Variants in HCN1 observed in about 807,000 individuals in gnomAD.
HCN1 encodes the protein potassium/sodium hyperpolarization-activated cyclic nucleotide-gated channel 1.
Under a neutral mutation model 78.9 loss-of-function variants are expected in HCN1, and 13 were observed. The ratio of observed to expected loss-of-function variants is 0.16; its 90% CI spans 0.11 to 0.26. The LOEUF (loss-of-function observed/expected upper bound fraction) is 0.26. Ranked by LOEUF, HCN1 falls within the 10% of genes least tolerant of loss-of-function variation. The pLI is 1.00. For synonymous variants in HCN1, 552 were observed against 455.5 expected (o/e 1.21, Z -2.70); for missense variants, 810 against 1,154.3 (o/e 0.70, Z 4.32).
intron 4 of HCN1, among the ~76,000 whole-genome samples, chr5:45,392,097 GTA>G (rs1739576687): frequency 6.6e-6 from 1 of 152,048 alleles, no homozygotes; most frequent in African/African-American, 2.4e-5. Context: ...AACCAAGAAA[GTA>G]TATATCTTAA....
rs181801832 is a variant in HCN1 at position 45,656,211 on chromosome 5, A to G, written c.426-10603T>C. Among the ~76,000 whole-genome samples the G allele has an allele frequency of 8.2e-3, 1,246 of 152,288 alleles. 11 individuals carry two copies. The highest frequency in any genetic ancestry group is 0.013 in the Non-Finnish European group (892 of 68,008). Reference sequence around the variant, plus strand: ...GTTCTGGTATTAAAGAAATTTAAAGACAGCATTTGCTAAGGAGTTCCGGGG... The same window carrying G: ...GTTCTGGTATTAAAGAAATTTAAAGGCAGCATTTGCTAAGGAGTTCCGGGG... On this transcript the variant is annotated intron_variant, in intron 1 of 7. Transcript: ENST00000303230.
intron 5 of HCN1, among the ~76,000 whole-genome samples, chr5:45,349,524 A>G (rs2111977616): frequency 6.6e-6 from 1 of 152,348 alleles, no homozygotes; most frequent in South Asian, 2.1e-4. Context: ...AACTAAAATC[A>G]GAGCAGAACT....
chr5:45,691,755 C>A (rs1483087979), intron 1 of HCN1, among the ~76,000 whole-genome samples: 2 of 152,108 alleles, frequency 1.3e-5, no homozygotes, highest in African/African-American at 4.8e-5. Flanking sequence ...AGCAAATGTT[C>A]TCTCTATTAT....
At chr5:45,629,834 T>C (rs1053880645) in intron 2 of HCN1, among the ~76,000 whole-genome samples, 102 of 152,336 alleles carry the variant, frequency 6.7e-4, no homozygotes, top group African/African-American at 2.3e-3. Flanking sequence ...AATTAAATTA[T>C]GCTAATATTC....
At chr5:45,309,041 T>C (rs971681707) in intron 5 of HCN1, among the ~76,000 whole-genome samples, 1 of 152,310 alleles carries the variant, frequency 6.6e-6, no homozygotes, top group South Asian at 2.1e-4. Flanking sequence ...TCTGATTTCT[T>C]TGAGTAGTGG....
chr5:45,644,385 G>C (rs897573484), intron 2 of HCN1: 1 of 152,138 alleles, frequency 6.6e-6, no homozygotes, highest in African/African-American at 2.4e-5. Flanking sequence ...AGACTTTGAA[G>C]ATAGGGATAT....
chr5:45,386,863 T>TA (rs1476616258), intron 4 of HCN1, among the ~76,000 whole-genome samples: 1 of 152,092 alleles, frequency 6.6e-6, no homozygotes, highest in Admixed American at 6.6e-5. Context: ...CATGCCAATC[T>TA]AAATATTTTA....
At chr5:45,320,927 G>A (rs190388287) in intron 5 of HCN1, among the ~76,000 whole-genome samples, 4 of 151,904 alleles carry the variant, frequency 2.6e-5, no homozygotes, top group Non-Finnish European at 5.9e-5. Flanking sequence ...CAATTAGGCT[G>A]ACTGGCTTCT....
chr5:45,474,446 CACTT>C (rs1305406292), intron 2 of HCN1, among the ~76,000 whole-genome samples: 9 of 151,868 alleles, frequency 5.9e-5, no homozygotes, highest in South Asian at 4.1e-4. Flanking sequence ...TATCATCTCT[CACTT>C]GAGTTTTTTC....
chr5:45,360,430 C>T (rs566616638), intron 4 of HCN1, among the ~76,000 whole-genome samples: 2 of 151,926 alleles, frequency 1.3e-5, no homozygotes, highest in South Asian at 4.2e-4. Flanking sequence ...TCTAGTATTG[C>T]CAGCTATTTA....
chr5:45,348,600 G>A (rs879629998), intron 5 of HCN1, among the ~76,000 whole-genome samples: 1 of 152,188 alleles, frequency 6.6e-6, no homozygotes, highest in Non-Finnish European at 1.5e-5. Context: ...AGACCCATCA[G>A]TGTGCTGTAT....
intron 2 of HCN1, among the ~76,000 whole-genome samples, chr5:45,582,001 C>A (rs561301144): frequency 6.6e-6 from 1 of 152,090 alleles, no homozygotes; most frequent in Non-Finnish European, 1.5e-5. Context: ...CTTGGCAATG[C>A]GGGCTCTTTT....
intron 4 of HCN1, among the ~76,000 whole-genome samples, chr5:45,371,869 ATAT>A (rs1429530158): frequency 1.7e-4 from 20 of 118,672 alleles, no homozygotes; most frequent in African/African-American, 4.0e-4. Flanking sequence ...TACATTAGTA[ATAT>A]TATATATGAA....
At chr5:45,582,374 T>A (rs958771991) in intron 2 of HCN1, among the ~76,000 whole-genome samples, 7 of 152,180 alleles carry the variant, frequency 4.6e-5, no homozygotes, top group Non-Finnish European at 1.5e-5. Context: ...TGATTTTGTA[T>A]CCTGAGACTT....
chr5:45,613,468 G>T (rs1391834328), intron 2 of HCN1, among the ~76,000 whole-genome samples: 2 of 151,930 alleles, frequency 1.3e-5, no homozygotes, highest in African/African-American at 4.8e-5. Flanking sequence ...GAAACAACAG[G>T]TGCTGGAGAG....
intron 2 of HCN1, among the ~76,000 whole-genome samples, chr5:45,528,655 C>A (rs987784778): frequency 4.0e-5 from 6 of 151,882 alleles, no homozygotes; most frequent in Non-Finnish European, 7.4e-5. Context: ...AAGCAAAAAT[C>A]TCCAAAAAGA....
At chr5:45,487,913 G>A (rs1741801598) in intron 2 of HCN1, among the ~76,000 whole-genome samples, 1 of 152,034 alleles carries the variant, frequency 6.6e-6, no homozygotes, top group South Asian at 2.1e-4. Context: ...ATATTGATTT[G>A]ATATCTCCTC....
At chr5:45,330,388 T>C (rs1293590090) in intron 5 of HCN1, among the ~76,000 whole-genome samples, 2 of 151,042 alleles carry the variant, frequency 1.3e-5, no homozygotes, top group East Asian at 3.9e-4. Flanking sequence ...GTATGACAAA[T>C]AAAACTTAAC....
intron 2 of HCN1, among the ~76,000 whole-genome samples, chr5:45,553,490 A>G (rs901360038): frequency 6.6e-6 from 1 of 151,900 alleles, no homozygotes; most frequent in Admixed American, 6.6e-5. Context: ...TCAGATGATA[A>G]AGTCTTCCTT....
Sources: allele counts gnomAD v4.1 joint callset (sites outside exome capture counted in the v4.1 genomes callset), GRCh38; gene constraint gnomAD v4.1.1; transcripts MANE v1.5; gene names NCBI Gene and HGNC (gene_info 2026-07-23, HGNC 2026-07-21).